SLC24A2: variants seen among roughly 807,000 people sequenced by gnomAD.
SLC24A2 encodes sodium/potassium/calcium exchanger 2.
SLC24A2 carries 36 observed loss-of-function variants against 62.0 expected under a neutral mutation model. The observed-to-expected ratio is 0.58, with a 90% CI of 0.44 to 0.77. The LOEUF (loss-of-function observed/expected upper bound fraction) is 0.77, where lower values mean the gene tolerates loss of function less well. SLC24A2 is among the 30% of genes least tolerant of loss of function. The pLI is 0.00. For synonymous variants in SLC24A2, 358 were observed against 294.0 expected, an observed-to-expected ratio of 1.22 and a Z score of -2.23; for missense variants, 846 against 817.9, an observed-to-expected ratio of 1.03 and a Z score of -0.42.
the SLC24A2 span, among the ~76,000 whole-genome samples, chr9:20,118,224 A>G: frequency 6.6e-6 from 1 of 152,152 alleles, no homozygotes; most frequent in Non-Finnish European, 1.5e-5. Context: ...TTATTGCACA[A>G]GAACTACACA....
the SLC24A2 span, among the ~76,000 whole-genome samples, chr9:19,987,400 G>C: frequency 6.6e-6 from 1 of 152,128 alleles, no homozygotes; most frequent in Non-Finnish European, 1.5e-5. Context: ...TGTGACACAA[G>C]TCCTTTTAGT....
At chr9:19,931,071 T>A in the SLC24A2 span, among the ~76,000 whole-genome samples, 1 of 152,126 alleles carries the variant, frequency 6.6e-6, no homozygotes, top group Non-Finnish European at 1.5e-5. Flanking sequence ...AACCATAGAA[T>A]GTTACTTAAA....
rs183790997 is a variant in SLC24A2, at chr9:19,708,000, A to G, written c.930+77937T>C. 4.4e-3 allele frequency among the ~76,000 whole-genome samples: 663 copies of G among 152,340 alleles called. 4 individuals carry two copies. Among genetic ancestry groups the G allele is most frequent in the Non-Finnish European group, 5.9e-3 (404 of 68,024 alleles). On this transcript the variant is annotated intron_variant, in intron 2 of 10. Transcript: ENST00000341998. ...GCAGATGACATGACTGTGTATCTAT[A>G]AAACCCCATTGTCTCAGCCCTAAAT... is the stretch of plus-strand genomic sequence containing the variant.
rs138031262 is a variant in SLC24A2 at position 19,573,660 on chromosome 9, G to A, written c.1229-191C>T. 7.9e-5 allele frequency among the ~76,000 whole-genome samples: 12 copies of A among 152,220 alleles called. No homozygotes were observed. The East Asian group carries it at 2.3e-3, about 29-fold the overall frequency. Reference sequence around the variant, plus strand: ...TGTCCCAGGGGCGATAAGGCCCAGGGCTGATATTGAGCCAAGCGGGAAAGG... The same window carrying A: ...TGTCCCAGGGGCGATAAGGCCCAGGACTGATATTGAGCCAAGCGGGAAAGG... On this transcript the variant is annotated intron_variant, in intron 6 of 10. Coordinates refer to ENST00000341998, the MANE Select transcript of SLC24A2 (RefSeq NM_020344.4).
At chr9:19,647,889 A>C (rs1004911008) in intron 2 of SLC24A2, among the ~76,000 whole-genome samples, 17 of 152,218 alleles carry the variant, frequency 1.1e-4, no homozygotes, top group African/African-American at 4.1e-4. Context: ...GTTGGACAAT[A>C]TCTATTTTAT....
At chr9:19,813,245 A>G in the SLC24A2 span, among the ~76,000 whole-genome samples, 2 of 151,878 alleles carry the variant, frequency 1.3e-5, no homozygotes, top group African/African-American at 2.4e-5. Flanking sequence ...GCCCTGGCTC[A>G]GAATGGGCAA....
the SLC24A2 span, among the ~76,000 whole-genome samples, chr9:19,975,460 T>C: frequency 6.6e-6 from 1 of 152,192 alleles, no homozygotes; most frequent in African/African-American, 2.4e-5. Flanking sequence ...TGGAATCAGA[T>C]GGACCTGTGT....
chr9:19,845,340 G>A, the SLC24A2 span, among the ~76,000 whole-genome samples: 4 of 152,120 alleles, frequency 2.6e-5, no homozygotes, highest in Non-Finnish European at 5.9e-5. Context: ...GTGTGGAAAT[G>A]CTACTGATTT....
the SLC24A2 span, among the ~76,000 whole-genome samples, chr9:20,026,315 G>T: frequency 7.0e-3 from 1,069 of 152,318 alleles, 9 homozygotes; most frequent in Non-Finnish European, 0.012. Flanking sequence ...CTACAGGCCA[G>T]ATTTGTCTGC....
chr9:19,886,762 T>C, the SLC24A2 span, among the ~76,000 whole-genome samples: 4 of 152,344 alleles, frequency 2.6e-5, no homozygotes, highest in East Asian at 3.9e-4. Context: ...TGTATGTTCA[T>C]TGCAGCACTA....
Position 19,509,304 on chromosome 9 carries a change from TCAAA to T in SLC24A2, c.*6845_*6848del, listed in dbSNP as rs1487054725. 2.6e-5 allele frequency: 4 copies of T among 152,194 alleles called. No homozygotes were observed. Among genetic ancestry groups the T allele is most frequent in the African/African-American group, 7.2e-5 (3 of 41,460 alleles). 9.4% of individuals were successfully genotyped at this position (152,194 alleles called of 1,614,324 possible). A position where few individuals can be genotyped will look rare whatever the true frequency, so the allele number is the denominator to read the frequency against. On this transcript the variant is annotated 3_prime_UTR_variant, in exon 11 of 11. Transcript: ENST00000341998. ...GTGAAATGAATAATTTCTTTGATTT[TCAAA>T]CAGTTTTATTAAAGCACACATCTAA... is the stretch of plus-strand genomic sequence containing the variant.
the SLC24A2 span, among the ~76,000 whole-genome samples, chr9:19,828,786 T>C: frequency 6.6e-6 from 1 of 152,166 alleles, no homozygotes; most frequent in Non-Finnish European, 1.5e-5. Context: ...GAGGAGATGT[T>C]GGCAAGTCAT....
At chr9:19,644,744 CAT>C (rs915100295) in intron 2 of SLC24A2, among the ~76,000 whole-genome samples, 2 of 151,862 alleles carry the variant, frequency 1.3e-5, no homozygotes, top group Non-Finnish European at 2.9e-5. Context: ...TTTTTAAAAA[CAT>C]GACATTTTTC....
At chr9:19,783,451 G>A (rs1201824414) in intron 2 of SLC24A2, among the ~76,000 whole-genome samples, 2 of 152,158 alleles carry the variant, frequency 1.3e-5, no homozygotes, top group Non-Finnish European at 2.9e-5. Flanking sequence ...ATGTTTTGGT[G>A]ATGTCAGAAG....
At chr9:19,900,713 G>A in the SLC24A2 span, among the ~76,000 whole-genome samples, 20 of 152,324 alleles carry the variant, frequency 1.3e-4, no homozygotes, top group Middle Eastern at 3.4e-3. Flanking sequence ...CTTACAGGAA[G>A]ACTTCAAGGA....
chr9:19,563,148 A>C lies in SLC24A2; in HGVS notation c.1347+10203T>G, dbSNP rs975601586. On this transcript the variant is annotated intron_variant, in intron 7 of 10. Coordinates refer to ENST00000341998, the MANE Select transcript of SLC24A2 (RefSeq NM_020344.4). ...ACAGTCTGATGAAGAGTCTTTTGAT[A>C]TTCTTATTTCTTTCACTATTCAGCT... 2.0e-5 allele frequency among the ~76,000 whole-genome samples: 3 copies of C among 148,886 alleles called. No homozygotes were observed. The East Asian group carries it at 6.0e-4, about 30-fold the overall frequency.
intron 8 of SLC24A2, among the ~76,000 whole-genome samples, chr9:19,536,264 A>G (rs1331329387): frequency 1.3e-5 from 2 of 149,740 alleles, no homozygotes; most frequent in East Asian, 3.9e-4. Flanking sequence ...GGTTAGTTAC[A>G]TATGTATACA....
the SLC24A2 span, among the ~76,000 whole-genome samples, chr9:19,836,016 C>A: frequency 8.5e-5 from 13 of 152,162 alleles, no homozygotes; most frequent in African/African-American, 3.1e-4. Context: ...TAAAGAAGTT[C>A]TTTGAAACCA....
chr9:20,198,946 G>A, the SLC24A2 span, among the ~76,000 whole-genome samples: 1 of 152,162 alleles, frequency 6.6e-6, no homozygotes, highest in Admixed American at 6.5e-5. Context: ...GGATCAGGCT[G>A]TCCAATGTGG....
Sources: allele counts gnomAD v4.1 joint callset (sites outside exome capture counted in the v4.1 genomes callset), GRCh38; gene constraint gnomAD v4.1.1; transcripts MANE v1.5; gene names NCBI Gene and HGNC (gene_info 2026-07-23, HGNC 2026-07-21).